Variants in SLC4A5 observed in about 807,000 individuals in gnomAD.
SLC4A5 encodes solute carrier family 4 member 5, also known as electrogenic sodium bicarbonate cotransporter 4.
SLC4A5 carries 96 observed loss-of-function variants against 120.4 expected under a neutral mutation model. The observed-to-expected ratio is 0.80, with a 90% CI of 0.68 to 0.94. The LOEUF (loss-of-function observed/expected upper bound fraction) is 0.94, where lower values mean the gene tolerates loss of function less well. SLC4A5 is among the 40% of genes least tolerant of loss of function. SLC4A5 has a pLI of 0.00. For missense variants in SLC4A5, 1,259 were observed against 1,459.5 expected, an observed-to-expected ratio of 0.86 and a Z score of 2.24; for synonymous variants, 550 against 571.1, an observed-to-expected ratio of 0.96 and a Z score of 0.53.
intron 8 of SLC4A5, among the ~76,000 whole-genome samples, chr2:74,282,994 A>G (rs534040273): frequency 3.9e-5 from 6 of 152,276 alleles, no homozygotes; most frequent in African/African-American, 1.2e-4. Context: ...TGGTCATTTG[A>G]AATGTCCCCC....
At chr2:74,287,494 G>T (rs1386143275) in intron 7 of SLC4A5, among the ~76,000 whole-genome samples, 1 of 152,154 alleles carries the variant, frequency 6.6e-6, no homozygotes, top group Non-Finnish European at 1.5e-5. Flanking sequence ...CTGACACAGG[G>T]CTTGGAAGGT....
intron 8 of SLC4A5, 49 bp from the exon 9 acceptor site, chr2:74,265,313 G>T (rs1401472589): frequency 2.5e-6 from 4 of 1,588,592 alleles, no homozygotes; most frequent in Non-Finnish European, 3.4e-6. Flanking sequence ...CTCAGGAGGA[G>T]GCCTCACCTG....
intron 8 of SLC4A5, among the ~76,000 whole-genome samples, chr2:74,284,263 G>A (rs1173045630): frequency 1.3e-5 from 1 of 78,220 alleles, no homozygotes; most frequent in Non-Finnish European, 2.0e-5. Context: ...TGCAAGCTCC[G>A]CTTCCCGGGT....
At chr2:74,303,855 T>A (rs201302668) in intron 7 of SLC4A5, among the ~76,000 whole-genome samples, 22,704 of 150,918 alleles carry the variant, frequency 0.15, 2,815 homozygotes, top group East Asian at 0.36. Flanking sequence ...ATTATTATTT[T>A]TTTTTTTTTT....
intron 5 of SLC4A5, among the ~76,000 whole-genome samples, chr2:74,320,102 C>T (rs1229988116): frequency 6.6e-6 from 1 of 151,692 alleles, no homozygotes; most frequent in African/African-American, 2.4e-5. Flanking sequence ...GATAATAGAA[C>T]ACAAATAAAA....
chr2:74,267,409 T>C lies in SLC4A5; in HGVS notation c.402-2145A>G, dbSNP rs148582816. Among the ~76,000 whole-genome samples, 772 of 152,336 alleles carry C rather than the reference T, an allele frequency of 5.1e-3. 5 individuals carry two copies. Among genetic ancestry groups the C allele is most frequent in the African/African-American group, 0.017 (716 of 41,576 alleles). ...GAACTGGAAACCACCAGGTTTTCAG[T>C]AGAAGCATGATTACATCAATTCTGT... is the stretch of plus-strand genomic sequence containing the variant. On this transcript the variant is annotated intron_variant, in intron 8 of 30. Coordinates refer to ENST00000394019, the Ensembl canonical transcript of SLC4A5.
At chr2:74,267,046 C>T (rs978197269) in intron 8 of SLC4A5, among the ~76,000 whole-genome samples, 1 of 152,068 alleles carries the variant, frequency 6.6e-6, no homozygotes, top group Admixed American at 6.5e-5. Flanking sequence ...ATGAAGATGG[C>T]CAATAAACAT....
At chr2:74,292,596 G>T (rs948773288) in intron 7 of SLC4A5, among the ~76,000 whole-genome samples, 7 of 152,194 alleles carry the variant, frequency 4.6e-5, no homozygotes, top group African/African-American at 1.4e-4. Context: ...AACAGCAGTT[G>T]CTGGGAGAAA....
chr2:74,289,528 G>C (rs1255348486), intron 7 of SLC4A5, among the ~76,000 whole-genome samples: 2 of 152,090 alleles, frequency 1.3e-5, no homozygotes, highest in Non-Finnish European at 2.9e-5. Context: ...TGTTGCCCAG[G>C]CTGGTCTCGA....
In SLC4A5 at chr2:74,328,195, T is replaced by G; in HGVS notation, c.-69-9A>C. The G allele has an allele frequency of 1.0e-6, 1 of 985,822 alleles. No individual in the cohort carries two copies. Among genetic ancestry groups the G allele is most frequent in the Non-Finnish European group, 1.2e-6 (1 of 829,936 alleles). 61.1% of individuals were successfully genotyped at this position (985,822 alleles called of 1,614,324 possible). ...AACCACTTGCTCTGTTCCTGTTGGG[T>G]GGCAAGAAGGGCTCTCTGTGGTTTC... is the stretch of plus-strand genomic sequence containing the variant. On this transcript the variant is annotated splice_polypyrimidine_tract_variant and intron_variant, in intron 4 of 30. Coordinates refer to ENST00000394019, the Ensembl canonical transcript of SLC4A5.
exon 25 of SLC4A5, chr2:74,231,307 C>T: frequency 6.2e-7 from 1 of 1,610,432 alleles, no homozygotes; most frequent in South Asian, 1.1e-5. Flanking sequence ...ACTCTCTGTT[C>T]CCTGGCAGAG....
chr2:74,327,341 A>C (rs1267494535), intron 5 of SLC4A5, among the ~76,000 whole-genome samples: 1 of 152,202 alleles, frequency 6.6e-6, no homozygotes, highest in Non-Finnish European at 1.5e-5. Context: ...AGAGTATTTC[A>C]GAAAAGGACT....
intron 5 of SLC4A5, among the ~76,000 whole-genome samples, chr2:74,323,704 G>C (rs182905852): frequency 3.7e-4 from 56 of 152,278 alleles, no homozygotes; most frequent in African/African-American, 1.3e-3. Context: ...TTAAAACTCT[G>C]CAAGGAATAA....
chr2:74,222,096 C>T lies in SLC4A5; in HGVS notation c.3332-595G>A, dbSNP rs1694669870. ...ACACAGAGGCACAGCACAACCACCA[C>T]GAGGACCTCCAATTATGCCTGACTT... On this transcript the variant is annotated intron_variant, in intron 29 of 30. Coordinates refer to ENST00000394019, the Ensembl canonical transcript of SLC4A5. Among the ~76,000 whole-genome samples the T allele has an allele frequency of 2.0e-5, 3 of 152,162 alleles. 1 individual carries two copies. In the South Asian group the frequency reaches 6.2e-4, roughly 32 times the overall value.
chr2:74,237,822 C>A (rs1558871372), intron 21 of SLC4A5, among the ~76,000 whole-genome samples: 2 of 152,152 alleles, frequency 1.3e-5, no homozygotes, highest in Non-Finnish European at 2.9e-5. Context: ...GCAGTTAGGG[C>A]TGGGTGCGGT....
At chr2:74,329,886 G>A (rs1408989151) in intron 4 of SLC4A5, among the ~76,000 whole-genome samples, 1 of 151,740 alleles carries the variant, frequency 6.6e-6, no homozygotes, top group Non-Finnish European at 1.5e-5. Context: ...AGGTTTACAT[G>A]GAAGTGATGA....
At position 74,240,950 on chromosome 2, in the gene SLC4A5, C is replaced by T. The variant is rs1472673564; in HGVS notation, c.2118+1044G>A. Among the ~76,000 whole-genome samples the T allele has an allele frequency of 2.6e-5, 4 of 152,284 alleles. No individual in the cohort carries two copies. The South Asian group carries it at 6.2e-4, about 24-fold the overall frequency. ...GCTACCTTCATCTGGAATTGAACTTCTATCATTAAGCCACTTAGGCTGGGA... is the reference window on the plus strand; with the variant it reads ...GCTACCTTCATCTGGAATTGAACTTTTATCATTAAGCCACTTAGGCTGGGA... On this transcript the variant is annotated intron_variant, in intron 20 of 30. Transcript: ENST00000394019.
At chr2:74,280,109 G>A (rs1231198611) in intron 8 of SLC4A5, among the ~76,000 whole-genome samples, 2 of 152,056 alleles carry the variant, frequency 1.3e-5, no homozygotes, top group Non-Finnish European at 2.9e-5. Flanking sequence ...ACTGCAACAT[G>A]GCTGGCATAG....
intron 6 of SLC4A5, chr2:74,307,645 C>T: frequency 1.0e-6 from 1 of 1,000,746 alleles, no homozygotes; most frequent in East Asian, 2.7e-5. Context: ...CAGTCTCTGA[C>T]CTGGGGTCCC....
Sources: allele counts gnomAD v4.1 joint callset (sites outside exome capture counted in the v4.1 genomes callset), GRCh38; gene constraint gnomAD v4.1.1; transcripts MANE v1.5; gene names NCBI Gene and HGNC (gene_info 2026-07-23, HGNC 2026-07-21).